Variants in NEK10 observed in about 807,000 individuals in gnomAD.
The protein encoded by NEK10 is serine/threonine-protein kinase Nek10.
In NEK10, 122 loss-of-function variants were observed where a neutral mutation model predicts 159.8. That is an observed-to-expected ratio of 0.76 (90% CI 0.66 to 0.89). The LOEUF is 0.89. NEK10 is among the 40% of genes least tolerant of loss of function. NEK10 has a pLI of 0.00. For missense variants in NEK10, 1,342 were observed against 1,323.1 expected (o/e 1.01, Z -0.22); for synonymous variants, 466 against 457.1 (o/e 1.02, Z -0.25).
intron 22 of NEK10, among the ~76,000 whole-genome samples, chr3:27,276,202 A>C (rs944304219): frequency 1.3e-5 from 2 of 152,070 alleles, no homozygotes; most frequent in African/African-American, 4.8e-5. Flanking sequence ...CAGAGAAAGA[A>C]GGTCAAGAAA....
At chr3:27,150,321 C>T (rs1461807277) in intron 30 of NEK10, among the ~76,000 whole-genome samples, 2 of 152,162 alleles carry the variant, frequency 1.3e-5, no homozygotes, top group Non-Finnish European at 2.9e-5. Flanking sequence ...AAGTAGAGGC[C>T]ATCTAGGACT....
chr3:27,247,578 C>A (rs1955199562), intron 23 of NEK10, among the ~76,000 whole-genome samples: 1 of 151,882 alleles, frequency 6.6e-6, no homozygotes, highest in Non-Finnish European at 1.5e-5. Context: ...CTCTGTCACC[C>A]AAACTGCAGT....
intron 29 of NEK10, among the ~76,000 whole-genome samples, chr3:27,168,275 G>C (rs909818942): frequency 1.7e-4 from 25 of 150,108 alleles, no homozygotes; most frequent in Non-Finnish European, 2.7e-4. Context: ...AAAAGAAAAA[G>C]AAAACCCTCT....
intron 23 of NEK10, among the ~76,000 whole-genome samples, chr3:27,213,352 T>A (rs57660457): frequency 6.6e-5 from 10 of 152,290 alleles, no homozygotes; most frequent in African/African-American, 2.4e-4. Context: ...TTAAAACTGA[T>A]CTTTGCTGTC....
In NEK10 at chr3:27,166,216, A is replaced by G. The variant is rs906572053; in HGVS notation, c.2832-3478T>C. The stretch of plus-strand genomic sequence containing the variant: ...ACATTATGTAGCTTTGAGCTCTCCT[A>G]TTTATCTATAATGTTAATAGAGTTG... On this transcript the variant is annotated intron_variant, in intron 29 of 35. Transcript: ENST00000691995. 2.0e-5 allele frequency among the ~76,000 whole-genome samples: 3 copies of G among 152,196 alleles called. No homozygotes were observed. In the East Asian group the frequency reaches 5.8e-4, roughly 29 times the overall value.
At chr3:27,250,662 T>A (rs1955554234) in intron 23 of NEK10, among the ~76,000 whole-genome samples, 1 of 152,176 alleles carries the variant, frequency 6.6e-6, no homozygotes, top group South Asian at 2.1e-4. Flanking sequence ...CTCCTTCATG[T>A]TTGAAGGATA....
chr3:27,171,952 C>G, intron 28 of NEK10, 79 bp from the exon 29 acceptor site: 2 of 1,418,584 alleles, frequency 1.4e-6, no homozygotes, highest in Non-Finnish European at 1.9e-6. Flanking sequence ...TAAAACAATA[C>G]TGAACAACAA....
intron 1 of NEK10, chr3:27,363,558 A>G (rs1305831814): frequency 6.6e-6 from 1 of 152,206 alleles, no homozygotes; most frequent in African/African-American, 2.4e-5. Flanking sequence ...AGAACAGCAA[A>G]TAAGTTTGCC....
At chr3:27,340,349 G>A (rs2047113397) in intron 5 of NEK10, among the ~76,000 whole-genome samples, 1 of 152,164 alleles carries the variant, frequency 6.6e-6, no homozygotes, top group African/African-American at 2.4e-5. Flanking sequence ...ACCCACTGGG[G>A]CCTATTGGGT....
At chr3:27,265,025 G>A (rs548739266) in intron 22 of NEK10, among the ~76,000 whole-genome samples, 5 of 152,234 alleles carry the variant, frequency 3.3e-5, no homozygotes, top group African/African-American at 1.2e-4. Flanking sequence ...TGTGCAAAAA[G>A]CGTCAGCAAA....
chr3:27,142,399 T>C (rs1245429106), intron 30 of NEK10, among the ~76,000 whole-genome samples: 2 of 152,140 alleles, frequency 1.3e-5, no homozygotes, highest in African/African-American at 2.4e-5. Context: ...TTCAGATATG[T>C]GATGTGCATT....
chr3:27,365,088 C>A (rs1222264946), intron 1 of NEK10, among the ~76,000 whole-genome samples: 4 of 152,174 alleles, frequency 2.6e-5, no homozygotes, highest in Admixed American at 2.6e-4. Context: ...TGGCATTTAT[C>A]CAGCTCTCTA....
At chr3:27,240,651 C>CAT (rs1221593381) in intron 23 of NEK10, among the ~76,000 whole-genome samples, 1 of 115,854 alleles carries the variant, frequency 8.6e-6, no homozygotes. Flanking sequence ...ATTACTATCT[C>CAT]ATCTTTTTTT....
At chr3:27,335,815 T>C (rs959241781) in intron 5 of NEK10, among the ~76,000 whole-genome samples, 6 of 150,338 alleles carry the variant, frequency 4.0e-5, no homozygotes, top group Admixed American at 1.3e-4. Flanking sequence ...TTGAAACAAA[T>C]GAATGTGGAA....
At chr3:27,235,924 A>G (rs1227666611) in intron 23 of NEK10, among the ~76,000 whole-genome samples, 1 of 152,214 alleles carries the variant, frequency 6.6e-6, no homozygotes, top group Non-Finnish European at 1.5e-5. Context: ...AGTGATACAT[A>G]TAAAGAAAAT....
intron 23 of NEK10, among the ~76,000 whole-genome samples, chr3:27,209,149 T>C (rs1170954243): frequency 6.6e-6 from 1 of 152,214 alleles, no homozygotes; most frequent in Non-Finnish European, 1.5e-5. Flanking sequence ...CTTTTAAAAA[T>C]GCAATAGTTG....
chr3:27,362,573 TGGGCGCAAAAGTAA>T (rs1281272514), intron 1 of NEK10, among the ~76,000 whole-genome samples: 3 of 150,512 alleles, frequency 2.0e-5, no homozygotes, highest in African/African-American at 7.3e-5. Flanking sequence ...ACATATTAGG[TGGGCGCAAAAGTAA>T]TTGTGGTTTT....
At chr3:27,327,449 C>G (rs1228841793) in intron 5 of NEK10, among the ~76,000 whole-genome samples, 1 of 152,174 alleles carries the variant, frequency 6.6e-6, no homozygotes, top group Non-Finnish European at 1.5e-5. Flanking sequence ...TCCTGCCACC[C>G]CTGTCCGTGA....
At chr3:27,355,953 C>CTAAAACAGTAT (rs1225424442) in intron 1 of NEK10, among the ~76,000 whole-genome samples, 1 of 152,192 alleles carries the variant, frequency 6.6e-6, no homozygotes, top group Non-Finnish European at 1.5e-5. Flanking sequence ...TTAATTGCCA[C>CTAAAACAGTAT]TAAAACAGTA....
Sources: gnomAD v4.1 joint callset for allele counts (sites outside exome capture counted in the v4.1 genomes callset) on GRCh38, gnomAD v4.1.1 for gene constraint, MANE v1.5 for transcripts, NCBI Gene and HGNC (gene_info 2026-07-23, HGNC 2026-07-21) for gene names.